Variants in RAB1A observed in about 807,000 individuals in gnomAD.
RAB1A encodes the protein RAB1A, member RAS oncogene family, also known as ras-related protein Rab-1A.
RAB1A carries 2 observed loss-of-function variants against 26.0 expected under a neutral mutation model. The ratio of observed to expected loss-of-function variants is 0.08; its 90% confidence interval spans 0.03 to 0.24. The LOEUF is 0.24. Ranked by LOEUF, RAB1A falls within the 10% of genes least tolerant of loss-of-function variation. RAB1A has a pLI of 1.00. For missense variants in RAB1A, 100 were observed against 247.0 expected (o/e 0.40, Z 3.99); for synonymous variants, 84 against 84.9 (o/e 0.99, Z 0.06).
intron 1 of RAB1A, among the ~76,000 whole-genome samples, chr2:65,110,266 CCT>C (rs1669664885): frequency 6.6e-6 from 1 of 151,802 alleles, no homozygotes; most frequent in Non-Finnish European, 1.5e-5. Flanking sequence ...ATGGTGAAAC[CCT>C]GTCTCTACTA....
chr2:65,088,185 TCAAAA>T lies in RAB1A; in HGVS notation c.*303_*307del. 1 of 249,110 alleles carries T rather than the reference TCAAAA, an allele frequency of 4.0e-6. No individual in the cohort carries two copies. 15.4% of individuals were successfully genotyped at this position (249,110 alleles called of 1,614,324 possible). Reference sequence around the variant, plus strand: ...ACATCTAAACATGCCAATATAAACATCAAAACAAAATATATTCTAACCAACCACGG... The same window carrying T: ...ACATCTAAACATGCCAATATAAACATCAAAATATATTCTAACCAACCACGG... On this transcript the variant is annotated 3_prime_UTR_variant, in exon 6 of 6. Transcript: ENST00000409784.
intron 3 of RAB1A, among the ~76,000 whole-genome samples, chr2:65,096,663 T>C (rs1209730630): frequency 6.6e-6 from 1 of 152,224 alleles, no homozygotes; most frequent in African/African-American, 2.4e-5. Context: ...TGAAAGTATT[T>C]CAAGCTATTT....
chr2:65,094,584 CAAAA>C (rs11301138), intron 3 of RAB1A, among the ~76,000 whole-genome samples: 3 of 121,038 alleles, frequency 2.5e-5, no homozygotes, highest in Non-Finnish European at 3.5e-5. Context: ...AACTCCGTCT[CAAAA>C]AAAAAAAAAA....
At chr2:65,108,782 G>A (rs1486837466) in intron 1 of RAB1A, among the ~76,000 whole-genome samples, 1 of 152,040 alleles carries the variant, frequency 6.6e-6, no homozygotes, top group Non-Finnish European at 1.5e-5. Flanking sequence ...CTTCAGCCTG[G>A]ACAATAAGGG....
intron 3 of RAB1A, among the ~76,000 whole-genome samples, chr2:65,091,338 A>G (rs776453740): frequency 6.6e-6 from 1 of 152,176 alleles, no homozygotes; most frequent in Non-Finnish European, 1.5e-5. Flanking sequence ...ACTATGTCAT[A>G]CTTTTCACAT....
At chr2:65,098,094 A>G in intron 2 of RAB1A, 28 bp from the exon 3 acceptor site, 1 of 1,332,898 alleles carries the variant, frequency 7.5e-7, no homozygotes, top group Non-Finnish European at 1.0e-6. Context: ...TAACAATTAA[A>G]TGTATTGTTC....
chr2:65,100,921 A>AT (rs1405132917), intron 2 of RAB1A, among the ~76,000 whole-genome samples: 1 of 151,922 alleles, frequency 6.6e-6, no homozygotes, highest in African/African-American at 2.4e-5. Context: ...AGAGGTGCAC[A>AT]TATCACTTGA....
At position 65,106,617 on chromosome 2, in the gene RAB1A, C is replaced by G. The variant is rs145626254; in HGVS notation, c.24-1811G>C. On this transcript the variant is annotated intron_variant, in intron 1 of 5. Transcript: ENST00000409784. ...ATAATTTTTTAAAAATCCCAAGTGC[C>G]AGTCAGCAGCAAAATAGAAGTCAGA... 2.7e-3 allele frequency among the ~76,000 whole-genome samples: 362 copies of G among 134,586 alleles called. 1 individual carries two copies. Among genetic ancestry groups the G allele is most frequent in the African/African-American group, 0.01 (332 of 32,276 alleles). The allele number at this position is 134,586 out of a possible 152,430, so 88.3% of individuals were successfully genotyped here.
Position 65,087,813 on chromosome 2 carries a change from T to C in RAB1A, c.*680A>G, listed in dbSNP as rs987287004. The C allele has an allele frequency of 2.0e-5, 3 of 152,712 alleles. No homozygotes were observed. In the East Asian group the frequency reaches 5.8e-4, roughly 29 times the overall value. The allele number at this position is 152,712 out of a possible 1,614,324, so 9.5% of individuals were successfully genotyped here. Reference sequence around the variant, plus strand: ...ACACAAATGGCTGTGTTGAATATAATGCAAGGCTCTATTTCCCTTTAACCA... The same window carrying C: ...ACACAAATGGCTGTGTTGAATATAACGCAAGGCTCTATTTCCCTTTAACCA... On this transcript the variant is annotated 3_prime_UTR_variant, in exon 6 of 6. Coordinates refer to ENST00000409784, the MANE Select transcript of RAB1A (RefSeq NM_004161.5).
intron 1 of RAB1A, among the ~76,000 whole-genome samples, chr2:65,111,800 G>A (rs549094806): frequency 9.9e-5 from 15 of 152,248 alleles, no homozygotes; most frequent in African/African-American, 3.4e-4. Context: ...AAAAAATTAT[G>A]AGGAGGCCAG....
chr2:65,100,307 A>C (rs1156624673), intron 2 of RAB1A, among the ~76,000 whole-genome samples: 2 of 150,584 alleles, frequency 1.3e-5, no homozygotes, highest in African/African-American at 4.9e-5. Flanking sequence ...AGGCTGAGGA[A>C]GGAGAATCAC....
intron 1 of RAB1A, chr2:65,114,069 T>C (rs1005902875): frequency 1.6e-5 from 6 of 384,290 alleles, no homozygotes; most frequent in Non-Finnish European, 2.5e-5. Context: ...GTAGGTAGAG[T>C]AGGTCAGGTT....
In RAB1A at chr2:65,129,960, AG is replaced by A; in HGVS notation, c.-46del. 6.4e-7 allele frequency: 1 copy of A among 1,569,274 alleles called. No homozygotes were observed. Among genetic ancestry groups the A allele is most frequent in the African/African-American group, 1.4e-5 (1 of 73,572 alleles). On this transcript the variant is annotated 5_prime_UTR_variant, in exon 1 of 6. Coordinates refer to ENST00000409784, the MANE Select transcript of RAB1A (RefSeq NM_004161.5). ...CCGCCACCGCCGCCCTTGCTGCCGC[AG>A]CCGCCGCCCTGACTCTCCGCGCCAC...
At chr2:65,101,032 G>A (rs963845593) in intron 2 of RAB1A, among the ~76,000 whole-genome samples, 8 of 151,822 alleles carry the variant, frequency 5.3e-5, no homozygotes, top group African/African-American at 1.9e-4. Context: ...TGTAATACCA[G>A]CTACTCGGGA....
chr2:65,127,885 C>T (rs1375440122), intron 1 of RAB1A, among the ~76,000 whole-genome samples: 1 of 152,122 alleles, frequency 6.6e-6, no homozygotes, highest in Non-Finnish European at 1.5e-5. Flanking sequence ...AGGTGCCCAC[C>T]ACCACGCCCG....
At position 65,087,594 on chromosome 2, in the gene RAB1A, GAT is replaced by G. The variant is rs1275233776; in HGVS notation, c.*897_*898del. ...CAAATGGTTTTAGAGAAGGATCAGA[GAT>G]AACGGGCTAGATAGCATACATTCTA... On this transcript the variant is annotated 3_prime_UTR_variant, in exon 6 of 6. Coordinates refer to ENST00000409784, the MANE Select transcript of RAB1A (RefSeq NM_004161.5). 1 of 152,594 alleles carries G rather than the reference GAT, an allele frequency of 6.6e-6. No individual in the cohort carries two copies. The highest frequency in any genetic ancestry group is 6.5e-5 in the Admixed American group (1 of 15,288). 9.5% of individuals were successfully genotyped at this position (152,594 alleles called of 1,614,324 possible).
intron 1 of RAB1A, among the ~76,000 whole-genome samples, chr2:65,110,985 G>A (rs188776025): frequency 4.6e-5 from 7 of 152,084 alleles, no homozygotes; most frequent in Admixed American, 3.3e-4. Flanking sequence ...ATTGCTGCAA[G>A]GAAGATTTAC....
intron 1 of RAB1A, among the ~76,000 whole-genome samples, chr2:65,125,233 C>A (rs1670070240): frequency 6.6e-6 from 1 of 151,942 alleles, no homozygotes; most frequent in Non-Finnish European, 1.5e-5. Context: ...TCTAAGTAGA[C>A]TACTATATTT....
At chr2:65,127,304 T>C (rs569029663) in intron 1 of RAB1A, among the ~76,000 whole-genome samples, 1 of 152,268 alleles carries the variant, frequency 6.6e-6, no homozygotes, top group East Asian at 1.9e-4. Context: ...ATAAATCCCT[T>C]TCAGGTCTCT....
Sources: gnomAD v4.1 joint callset for allele counts (sites outside exome capture counted in the v4.1 genomes callset) on GRCh38, gnomAD v4.1.1 for gene constraint, MANE v1.5 for transcripts, NCBI Gene and HGNC (gene_info 2026-07-23, HGNC 2026-07-21) for gene names.